The following PAPPA2 variants were observed in gnomAD, a reference collection of about 807,000 sequenced individuals.
PAPPA2 encodes the protein pappalysin-2.
Under a neutral mutation model 176.4 loss-of-function variants are expected in PAPPA2, and 86 were observed. The ratio of observed to expected loss-of-function variants is 0.49; its 90% confidence interval spans 0.41 to 0.58. The LOEUF (loss-of-function observed/expected upper bound fraction) is 0.58, where lower values mean the gene tolerates loss of function less well. PAPPA2 is among the 20% of genes least tolerant of loss of function. The pLI is 0.00. For missense variants in PAPPA2, 2,073 were observed against 2,256.9 expected (o/e 0.92, Z 1.65); for synonymous variants, 809 against 852.2 (o/e 0.95, Z 0.88).
In PAPPA2 at chr1:176,602,999, G is replaced by C. The variant is rs137971548; in HGVS notation, c.1991+7404G>C. On this transcript the variant is annotated intron_variant, in intron 3 of 22. Coordinates refer to ENST00000367662, the MANE Select transcript of PAPPA2 (RefSeq NM_020318.3). Reference sequence around the variant, plus strand: ...GGCTTGTGGACTTTCCTCCTCAGGTGAGTGGGGGGCTGGGGAGTGGTGACT... The same window carrying C: ...GGCTTGTGGACTTTCCTCCTCAGGTCAGTGGGGGGCTGGGGAGTGGTGACT... Among the ~76,000 whole-genome samples, 48 of 152,332 alleles carry C rather than the reference G, an allele frequency of 3.2e-4. 1 individual carries two copies. In the Middle Eastern group the frequency reaches 0.01, roughly 32 times the overall value.
intron 3 of PAPPA2, among the ~76,000 whole-genome samples, chr1:176,607,827 T>A (rs1654701390): frequency 6.6e-6 from 1 of 152,230 alleles, no homozygotes; most frequent in South Asian, 2.1e-4. Flanking sequence ...TTTATTAGTG[T>A]ACTTTTAATC....
intron 21 of PAPPA2, among the ~76,000 whole-genome samples, chr1:176,819,931 C>CA (rs1410222638): frequency 1.1e-4 from 16 of 152,182 alleles, no homozygotes; most frequent in Admixed American, 1.0e-3. Context: ...AGGAGACTAA[C>CA]AACAGCCCAG....
At chr1:176,737,032 A>AT (rs1248179065) in intron 12 of PAPPA2, among the ~76,000 whole-genome samples, 6 of 151,594 alleles carry the variant, frequency 4.0e-5, no homozygotes, top group East Asian at 3.9e-4. Flanking sequence ...TTAAATTTTT[A>AT]TTTTTTTTAC....
chr1:176,702,578 A>G lies in PAPPA2; in HGVS notation c.3237-29A>G, dbSNP rs374617417. 69 of 1,611,236 alleles carry G rather than the reference A, an allele frequency of 4.3e-5. No individual in the cohort carries two copies. In the African/African-American group the frequency reaches 8.4e-4, roughly 20 times the overall value. ...AGGGCATGCCTCACTTTGTGGCTGT[A>G]GTGGTCACAAACCCTTTGGTTTCCA... On this transcript the variant is annotated intron_variant, in intron 8 of 22. Coordinates refer to ENST00000367662, the MANE Select transcript of PAPPA2 (RefSeq NM_020318.3).
intron 14 of PAPPA2, among the ~76,000 whole-genome samples, chr1:176,741,047 G>T (rs1662656148): frequency 6.6e-6 from 1 of 151,834 alleles, no homozygotes; most frequent in Admixed American, 6.6e-5. Context: ...GACCTCACAG[G>T]GATGGGAGTA....
At chr1:176,722,077 A>T (rs977789964) in intron 12 of PAPPA2, among the ~76,000 whole-genome samples, 1 of 152,126 alleles carries the variant, frequency 6.6e-6, no homozygotes, top group Non-Finnish European at 1.5e-5. Context: ...TAGAATGCCT[A>T]TTCAATTTTT....
intron 9 of PAPPA2, among the ~76,000 whole-genome samples, chr1:176,703,231 G>A (rs1236793420): frequency 2.0e-5 from 3 of 152,142 alleles, no homozygotes; most frequent in Admixed American, 2.0e-4. Flanking sequence ...ACCCTTAGTA[G>A]AACTGATAAC....
chr1:176,514,947 A>G (rs573108444), intron 1 of PAPPA2, among the ~76,000 whole-genome samples: 1 of 152,244 alleles, frequency 6.6e-6, no homozygotes, highest in Admixed American at 6.5e-5. Context: ...TCGAGCTCCT[A>G]GTGTATATTA....
intron 9 of PAPPA2, among the ~76,000 whole-genome samples, chr1:176,705,069 C>T (rs1660822039): frequency 6.6e-6 from 1 of 151,804 alleles, no homozygotes; most frequent in South Asian, 2.1e-4. Flanking sequence ...ATTCCTGGAC[C>T]CCTTGTAGCA....
intron 3 of PAPPA2, among the ~76,000 whole-genome samples, chr1:176,608,569 T>A (rs1283782826): frequency 6.6e-6 from 1 of 152,238 alleles, no homozygotes; most frequent in African/African-American, 2.4e-5. Context: ...TTGCTGTACC[T>A]CTTGATAAAG....
At chr1:176,734,258 C>A (rs1158282977) in intron 12 of PAPPA2, among the ~76,000 whole-genome samples, 1 of 152,066 alleles carries the variant, frequency 6.6e-6, no homozygotes, top group African/African-American at 2.4e-5. Context: ...TTCAGCCAGT[C>A]GTCTGATTCT....
intron 12 of PAPPA2, among the ~76,000 whole-genome samples, chr1:176,734,207 G>A (rs1303270847): frequency 6.6e-6 from 1 of 152,060 alleles, no homozygotes; most frequent in East Asian, 1.9e-4. Context: ...CTTAGCCTTG[G>A]TGTCTAAAAT....
chr1:176,772,226 C>T (rs1664263053), intron 17 of PAPPA2, among the ~76,000 whole-genome samples: 1 of 152,292 alleles, frequency 6.6e-6, no homozygotes, highest in South Asian at 2.1e-4. Flanking sequence ...GAAATAGTAG[C>T]TATTCTTTCT....
chr1:176,680,789 A>T (rs1659549575), intron 4 of PAPPA2, among the ~76,000 whole-genome samples: 1 of 152,202 alleles, frequency 6.6e-6, no homozygotes, highest in Admixed American at 6.5e-5. Flanking sequence ...GGCTCCCCCA[A>T]CCCCAAAGTA....
At chr1:176,820,606 A>C (rs984841210) in intron 21 of PAPPA2, among the ~76,000 whole-genome samples, 2 of 152,136 alleles carry the variant, frequency 1.3e-5, no homozygotes, top group Admixed American at 6.6e-5. Flanking sequence ...CATGTCATGC[A>C]TGGCATTTTC....
intron 21 of PAPPA2, among the ~76,000 whole-genome samples, chr1:176,814,849 C>T (rs979954415): frequency 6.6e-6 from 1 of 152,140 alleles, no homozygotes; most frequent in Non-Finnish European, 1.5e-5. Flanking sequence ...AGAAGGCATC[C>T]TTGTCTTGTG....
chr1:176,815,994 G>C (rs564070185), intron 21 of PAPPA2, among the ~76,000 whole-genome samples: 1 of 151,390 alleles, frequency 6.6e-6, no homozygotes, highest in Non-Finnish European at 1.5e-5. Context: ...CCTTCTTGTG[G>C]ACAAATTGTG....
At chr1:176,648,688 A>G (rs1657547027) in intron 3 of PAPPA2, among the ~76,000 whole-genome samples, 1 of 151,574 alleles carries the variant, frequency 6.6e-6, no homozygotes, top group Non-Finnish European at 1.5e-5. Context: ...CTGTTGAAAT[A>G]ATCATATGGC....
chr1:176,632,038 C>T (rs562872007), intron 3 of PAPPA2, among the ~76,000 whole-genome samples: 1 of 152,176 alleles, frequency 6.6e-6, no homozygotes, highest in African/African-American at 2.4e-5. Context: ...TGTCATGTAG[C>T]TTCTGTTTTC....
Sources: gnomAD v4.1 joint callset for allele counts (sites outside exome capture counted in the v4.1 genomes callset) on GRCh38, gnomAD v4.1.1 for gene constraint, MANE v1.5 for transcripts, NCBI Gene and HGNC (gene_info 2026-07-23, HGNC 2026-07-21) for gene names.